The following GJD4 variants were observed in gnomAD, a reference collection of about 807,000 sequenced individuals.
GJD4 encodes gap junction protein delta 4, also known as gap junction delta-4 protein.
GJD4 carries 18 observed loss-of-function variants against 17.9 expected under a neutral mutation model. The ratio of observed to expected loss-of-function variants is 1.00; its 90% CI spans 0.69 to 1.49. GJD4 has a LOEUF of 1.49. Ranked by LOEUF, GJD4 falls within the 40% of genes most tolerant of loss-of-function variation. GJD4 has a pLI of 0.00. For synonymous variants in GJD4, 293 were observed against 236.8 expected, an observed-to-expected ratio of 1.24 and a Z score of -2.18; for missense variants, 639 against 506.9, an observed-to-expected ratio of 1.26 and a Z score of -2.50.
At chr10:35,607,289 T>TTGCATCA in intron 1 of GJD4, 1 of 465,230 alleles carries the variant, frequency 2.1e-6, no homozygotes, top group Non-Finnish European at 3.9e-6. Context: ...CCTGATGCTG[T>TTGCATCA]GAGTAAAGAC....
Position 35,608,248 on chromosome 10 carries a change from C to T in GJD4, c.735C>T (p.His245=). 1 of 1,577,348 alleles carries T rather than the reference C, an allele frequency of 6.3e-7. No individual in the cohort carries two copies. The highest frequency in any genetic ancestry group is 8.6e-7 in the Non-Finnish European group (1 of 1,167,362). ...SIRKQSGASG[H]AEGRRTDEEG... ...GGAAGCAGAGCGGAGCCTCAGGCCA[C>T]GCGGAGGGACGCCGGACTGACGAGG... The change falls in exon 2 of 2, where the codon CAC becomes CAT. Residue 245 remains histidine (H), a synonymous_variant. Transcript: ENST00000321660.
chr10:35,607,483 A>G (rs1414384848), intron 1 of GJD4, 95 bp from the exon 2 acceptor site: 1 of 790,776 alleles, frequency 1.3e-6, no homozygotes, highest in Admixed American at 2.5e-5. Context: ...TTGACGTTTC[A>G]ATTTCCCAAT....
At position 35,608,141 on chromosome 10, in the gene GJD4, C is replaced by G; in HGVS notation, c.628C>G (p.Leu210Val). The G allele has an allele frequency of 6.2e-7, 1 of 1,608,402 alleles. No homozygotes were observed. Among genetic ancestry groups the G allele is most frequent in the South Asian group, 1.1e-5 (1 of 90,528 alleles). ...CTGGGCGGTCAGCGCGCTGTCTTTTCTGCTGGGCCTCGCCGACCTGGTCTG... is the reference window on the plus strand; with the variant it reads ...CTGGGCGGTCAGCGCGCTGTCTTTTGTGCTGGGCCTCGCCGACCTGGTCTG... Reference protein sequence around the residue: ...FLWAVSALSFLLGLADLVCSL... With the variant: ...FLWAVSALSFVLGLADLVCSL... The change falls in exon 2 of 2, where the codon CTG (leucine) becomes GTG (valine). Residue 210 changes from leucine to valine, a missense_variant. Coordinates refer to ENST00000321660, the MANE Select transcript of GJD4 (RefSeq NM_153368.3).
Position 35,608,437 on chromosome 10 carries a change from A to C in GJD4, c.924A>C (p.Arg308Ser), listed in dbSNP as rs1468222364. 8 of 1,548,294 alleles carry C rather than the reference A, an allele frequency of 5.2e-6. No homozygotes were observed. The African/African-American group carries it at 9.6e-5, about 19-fold the overall frequency. ...VTSSASEKLGRQPRGRPHREA... is the reference protein window; with the variant it reads ...VTSSASEKLGSQPRGRPHREA... ...CCTCCGCCAGCGAAAAGCTGGGCAG[A>C]CAGCCCCGGGGCAGGCCCCACCGAG... Residue 308 changes from arginine to serine, a missense_variant, in exon 2 of 2, where the codon AGA becomes AGC. By Grantham distance (110) the Arg-to-Ser change is moderately radical. Coordinates refer to ENST00000321660, the MANE Select transcript of GJD4 (RefSeq NM_153368.3).
In GJD4 at chr10:35,608,318, C is replaced by T. The variant is rs1301141931; in HGVS notation, c.805C>T (p.Arg269Cys). 6.5e-7 allele frequency: 1 copy of T among 1,547,128 alleles called. No homozygotes were observed. The highest frequency in any genetic ancestry group is 1.2e-5 in the South Asian group (1 of 83,954). ...GGGGGCACCGGCGCCCCCGGGTGCA[C>T]GCGCCGGAGGGGAGGGGGCTGGCAG... is the stretch of plus-strand genomic sequence containing the variant. ...EEGAPAPPGARAGGEGAGSPR... is the reference protein window; with the variant it reads ...EEGAPAPPGACAGGEGAGSPR... The change falls in exon 2 of 2, where the codon CGC becomes TGC. Residue 269 changes from arginine (R) to cysteine (C), a missense_variant. Coordinates refer to ENST00000321660, the MANE Select transcript of GJD4 (RefSeq NM_153368.3).
rs114643898 is a variant in GJD4, at chr10:35,608,788, A to C, written c.*162A>C. On this transcript the variant is annotated 3_prime_UTR_variant, in exon 2 of 2. Transcript: ENST00000321660. ...CCTCGTCTCTACAAAATATCTAAAA[A>C]TTAGCTGGGCACAGTGGCTCCCTCC... The C allele has an allele frequency of 7.3e-6, 4 of 546,686 alleles. No homozygotes were observed. Among genetic ancestry groups the C allele is most frequent in the Non-Finnish European group, 1.3e-5 (4 of 319,088 alleles). 33.9% of individuals were successfully genotyped at this position (546,686 alleles called of 1,614,324 possible). A position where few individuals can be genotyped will look rare whatever the true frequency, so the allele number is the denominator to read the frequency against.
rs768135317 is a variant in GJD4 at position 35,608,355 on chromosome 10, C to G, written c.842C>G (p.Thr281Arg). ...GAGGGGGCTGGCAGCCCCAGGCGTA[C>G]ATCCAGGGTGTCAGGGCACACGAAG... is the stretch of plus-strand genomic sequence containing the variant. ...GGEGAGSPRR[T>R]SRVSGHTKIP... The change falls in exon 2 of 2, where the codon ACA becomes AGA. Residue 281 changes from threonine (T) to arginine (R), a missense_variant. By Grantham distance (71) the Thr-to-Arg change is moderately conservative. Coordinates refer to ENST00000321660, the MANE Select transcript of GJD4 (RefSeq NM_153368.3). 3 of 1,551,854 alleles carry G rather than the reference C, an allele frequency of 1.9e-6. No individual in the cohort carries two copies. Among genetic ancestry groups the G allele is most frequent in the Non-Finnish European group, 2.6e-6 (3 of 1,148,660 alleles).
Position 35,608,537 on chromosome 10 carries a change from C to T in GJD4, c.1024C>T (p.Pro342Ser). The stretch of plus-strand genomic sequence containing the variant: ...AGCCCCCAGCCGCCTGGCCGCGCCC[C>T]CTTCCTGCAGCAGCCTGCAGCCCCC... ...SAAPSRLAAP[P>S]SCSSLQPPDP... The change falls in exon 2 of 2, where the codon CCT becomes TCT. Residue 342 changes from proline (P) to serine (S), a missense_variant. Physicochemically the swap from Pro to Ser is moderately conservative, Grantham distance 74 (BLOSUM62 -1). Transcript: ENST00000321660. 1 of 1,558,974 alleles carries T rather than the reference C, an allele frequency of 6.4e-7. No individual in the cohort carries two copies. The highest frequency in any genetic ancestry group is 8.7e-7 in the Non-Finnish European group (1 of 1,152,866).
chr10:35,608,625 G>GA lies in GJD4; in HGVS notation c.*6dup, dbSNP rs1176097390. The change falls in exon 2 of 2, where the codon TGA becomes TGAA. Residue 371 remains the stop codon, a frameshift_variant and stop_retained_variant. Transcript: ENST00000321660. LOFTEE classifies it high-confidence loss of function. ...HLRARKSEWV[*] ...AGAGCCAGGAAGTCTGAGTGGGTGT[G>GA]AAAAAAACAGCACCTGGCGGTGCCC... 6.7e-6 allele frequency: 10 copies of GA among 1,483,032 alleles called. No individual in the cohort carries two copies. The Middle Eastern group carries it at 7.0e-4, about 104-fold the overall frequency. The allele number at this position is 1,483,032 out of a possible 1,614,324, so 91.9% of individuals were successfully genotyped here.
At chr10:35,605,977 G>A in intron 1 of GJD4, 1 of 277,768 alleles carries the variant, frequency 3.6e-6, no homozygotes, top group Non-Finnish European at 6.6e-6. Context: ...TACGTTACCA[G>A]GAAAAGGAAC....
Position 35,607,692 on chromosome 10 carries a change from G to A in GJD4, c.179G>A (p.Gly60Glu), listed in dbSNP as rs1835473090. The A allele has an allele frequency of 1.9e-6, 3 of 1,614,162 alleles. No homozygotes were observed. The highest frequency in any genetic ancestry group is 8.5e-7 in the Non-Finnish European group (1 of 1,180,038). The change falls in exon 2 of 2, where the codon GGA becomes GAA. Residue 60 changes from glycine to glutamate, a missense_variant. By Grantham distance (98) the Gly-to-Glu change is moderately conservative (BLOSUM62 -2). Transcript: ENST00000321660. ...ERFVCNTLQP[G>E]CANVCYDVFS... ...TTTGTCTGCAACACGCTGCAGCCGG[G>A]ATGCGCCAATGTTTGCTACGACGTC...
chr10:35,608,441 C>A lies in GJD4; in HGVS notation c.928C>A (p.Pro310Thr). 2 of 1,547,954 alleles carry A rather than the reference C, an allele frequency of 1.3e-6. No individual in the cohort carries two copies. The highest frequency in any genetic ancestry group is 1.7e-6 in the Non-Finnish European group (2 of 1,146,590). ...CGCCAGCGAAAAGCTGGGCAGACAG[C>A]CCCGGGGCAGGCCCCACCGAGAGGC... ...SSASEKLGRQ[P>T]RGRPHREAAQ... is the part of the protein sequence containing the mutation. The change falls in exon 2 of 2, where the codon CCC becomes ACC. Residue 310 changes from proline (P) to threonine (T), a missense_variant. Physicochemically the swap from Pro to Thr is conservative, Grantham distance 38 (BLOSUM62 -1). Coordinates refer to ENST00000321660, the MANE Select transcript of GJD4 (RefSeq NM_153368.3).
intron 1 of GJD4, chr10:35,606,941 T>C (rs1835463987): frequency 6.6e-6 from 1 of 152,206 alleles, no homozygotes; most frequent in Non-Finnish European, 1.5e-5. Context: ...TAGACTAACA[T>C]TAAATACAAG....
chr10:35,607,782 C>T lies in GJD4; in HGVS notation c.269C>T (p.Ala90Val), dbSNP rs35398622. 2.0e-3 allele frequency: 3,262 copies of T among 1,607,308 alleles called. 72 individuals are homozygous for T. In the African/African-American group the frequency reaches 0.037, roughly 18 times the overall value. Reference sequence around the variant, plus strand: ...GGCGTGTGCGTCCTCCTCCCCTCCGCCGTCTTCAGCGTCTATGTCCTGCAC... The same window carrying T: ...GGCGTGTGCGTCCTCCTCCCCTCCGTCGTCTTCAGCGTCTATGTCCTGCAC... ...IQGVCVLLPS[A>V]VFSVYVLHRG... Residue 90 changes from alanine to valine, a missense_variant, in exon 2 of 2, where the codon GCC becomes GTC. Physicochemically the swap from Ala to Val is moderately conservative, Grantham distance 64 (BLOSUM62 0). Transcript: ENST00000321660.
rs980465904 is a variant in GJD4, at chr10:35,608,274, A to G, written c.761A>G (p.Glu254Gly). The change falls in exon 2 of 2, where the codon GAG becomes GGG. Residue 254 changes from glutamate (E) to glycine (G), a missense_variant. Glu to Gly is a moderately conservative substitution (Grantham distance 98). Transcript: ENST00000321660. ...GHAEGRRTDE[E>G]GGREEEGAPA... ...GCGGAGGGACGCCGGACTGACGAGG[A>G]GGGTGGGCGGGAGGAAGAGGGGGCA... The G allele has an allele frequency of 2.1e-6, 3 of 1,408,058 alleles. No individual in the cohort carries two copies. The highest frequency in any genetic ancestry group is 2.9e-6 in the Non-Finnish European group (3 of 1,051,886). 87.2% of individuals were successfully genotyped at this position (1,408,058 alleles called of 1,614,324 possible). A position where few individuals can be genotyped will look rare whatever the true frequency, so the allele number is the denominator to read the frequency against.
chr10:35,608,678 T>TG lies in GJD4; in HGVS notation c.*52_*53insG. 2.3e-6 allele frequency: 3 copies of TG among 1,302,474 alleles called. No individual in the cohort carries two copies. The highest frequency in any genetic ancestry group is 3.1e-6 in the Non-Finnish European group (3 of 969,650). The allele number at this position is 1,302,474 out of a possible 1,614,324, so 80.7% of individuals were successfully genotyped here. The stretch of plus-strand genomic sequence containing the variant: ...GGGCTCACGCCTGTAATCCCAACAC[T>TG]TTGGGAGGCCCAGGCAGGAGGATCG... On this transcript the variant is annotated 3_prime_UTR_variant, in exon 2 of 2. Coordinates refer to ENST00000321660, the MANE Select transcript of GJD4 (RefSeq NM_153368.3).
rs139245305 is a variant in GJD4, at chr10:35,605,618, C to T, written c.51C>T (p.Asn17=). ...LGFLIITLNC[N]VTMVGKLWFV... ...TTCTCATCATCACATTAAACTGCAA[C>T]GTGACCATGGTGGGTGAGTATTGGG... The change falls in exon 1 of 2, where the codon AAC becomes AAT. Residue 17 remains asparagine, a synonymous_variant. Transcript: ENST00000321660. 2.0e-5 allele frequency: 33 copies of T among 1,612,688 alleles called. No individual in the cohort carries two copies. The highest frequency in any genetic ancestry group is 1.9e-4 in the African/African-American group (14 of 74,872).
rs1439163588 is a variant in GJD4 at position 35,608,074 on chromosome 10, C to T, written c.561C>T (p.Tyr187=). ...RPPCTGVVDC[Y]VSRPTEKSLL... ...CGTGCACGGGCGTGGTGGACTGCTA[C>T]GTGTCGCGGCCCACAGAGAAGTCCC... The change falls in exon 2 of 2, where the codon TAC becomes TAT. Residue 187 remains tyrosine (Y), a synonymous_variant. Transcript: ENST00000321660. 4.4e-6 allele frequency: 7 copies of T among 1,608,800 alleles called. No homozygotes were observed. The highest frequency in any genetic ancestry group is 2.2e-5 in the East Asian group (1 of 44,780).
In GJD4 at chr10:35,607,786, C is replaced by T. The variant is rs1424167450; in HGVS notation, c.273C>T (p.Val91=). 3 of 1,606,672 alleles carry T rather than the reference C, an allele frequency of 1.9e-6. No homozygotes were observed. The highest frequency in any genetic ancestry group is 1.7e-6 in the Non-Finnish European group (2 of 1,179,980). The change falls in exon 2 of 2, where the codon GTC becomes GTT. Residue 91 remains valine, a synonymous_variant. Transcript: ENST00000321660. ...TGTGCGTCCTCCTCCCCTCCGCCGTCTTCAGCGTCTATGTCCTGCACCGAG... is the reference window on the plus strand; with the variant it reads ...TGTGCGTCCTCCTCCCCTCCGCCGTTTTCAGCGTCTATGTCCTGCACCGAG... ...QGVCVLLPSA[V]FSVYVLHRGA... is the part of the protein sequence containing the mutation.
Sources: allele counts gnomAD v4.1 joint callset, GRCh38; gene constraint gnomAD v4.1.1; transcripts MANE v1.5; gene names NCBI Gene and HGNC (gene_info 2026-07-23, HGNC 2026-07-21).